Variants in CACNA1G observed in about 807,000 individuals in gnomAD.
The protein encoded by CACNA1G is calcium voltage-gated channel subunit alpha1 G, also known as voltage-dependent T-type calcium channel subunit alpha-1G.
Under a neutral mutation model 219.4 loss-of-function variants are expected in CACNA1G, and 67 were observed. The observed-to-expected ratio is 0.31, with a 90% confidence interval of 0.25 to 0.37. The LOEUF (loss-of-function observed/expected upper bound fraction) is 0.37. CACNA1G is among the 10% of genes least tolerant of loss of function. CACNA1G has a pLI of 1.00. For synonymous variants in CACNA1G, 1,296 were observed against 1,345.3 expected (o/e 0.96, Z 0.80); for missense variants, 2,380 against 3,231.4 (o/e 0.74, Z 6.39).
At position 50,604,227 on chromosome 17, in the gene CACNA1G, C is replaced by T. The variant is rs1477218952; in HGVS notation, c.4242C>T (p.Asn1414=). 6.2e-7 allele frequency: 1 copy of T among 1,613,756 alleles called. No individual in the cohort carries two copies. Among genetic ancestry groups the T allele is most frequent in the African/African-American group, 1.3e-5 (1 of 74,930 alleles). The change falls in exon 22 of 38, where the codon AAC becomes AAT. Residue 1414 remains asparagine, a synonymous_variant. Coordinates refer to ENST00000359106, the MANE Select transcript of CACNA1G (RefSeq NM_018896.5). ...TLMSSLKPIG[N]IVVICCAFFI... is the part of the protein sequence containing the mutation. ...TGTCCTCACTGAAACCCATCGGCAA[C>T]ATTGTAGTCATCTGCTGTGCCTTCT...
intron 33 of CACNA1G, among the ~76,000 whole-genome samples, chr17:50,619,215 G>A (rs2051197063): frequency 1.3e-5 from 2 of 152,148 alleles, no homozygotes; most frequent in Non-Finnish European, 2.9e-5. Flanking sequence ...CCCAGCAGAC[G>A]GGCCAGCTTA....
At chr17:50,599,147 G>A (rs2046124284) in intron 16 of CACNA1G, among the ~76,000 whole-genome samples, 1 of 152,192 alleles carries the variant, frequency 6.6e-6, no homozygotes, top group South Asian at 2.1e-4. Context: ...CTCAGCTGAT[G>A]ATAACACTTC....
Position 50,576,232 on chromosome 17 carries a change from G to A in CACNA1G, c.1830G>A (p.Val610=). Residue 610 remains valine (V), a synonymous_variant, in exon 8 of 38, where the codon GTG becomes GTA. Coordinates refer to ENST00000359106, the MANE Select transcript of CACNA1G (RefSeq NM_018896.5). The part of the protein sequence containing the change: ...ETLKEKALVE[V]AASSGPPTLT... ...TGAAGGAGAAGGCACTAGTAGAGGT[G>A]GCTGCCAGCTCTGGGCCCCCAACCC... The A allele has an allele frequency of 1.2e-6, 2 of 1,603,870 alleles. No individual in the cohort carries two copies.
chr17:50,589,916 G>C (rs35395024), intron 9 of CACNA1G, among the ~76,000 whole-genome samples: 41,433 of 117,298 alleles, frequency 0.35, 7,685 homozygotes, highest in East Asian at 0.77. Context: ...CTCTCTCTGT[G>C]TGTGTGTGTG....
At chr17:50,598,971 G>A (rs1478970284) in intron 16 of CACNA1G, among the ~76,000 whole-genome samples, 2 of 152,040 alleles carry the variant, frequency 1.3e-5, no homozygotes, top group Non-Finnish European at 2.9e-5. Context: ...CAGGTGATCT[G>A]CCCGCCTCGG....
intron 1 of CACNA1G, among the ~76,000 whole-genome samples, chr17:50,564,994 G>A (rs575419694): frequency 4.2e-4 from 64 of 152,094 alleles, no homozygotes; most frequent in Admixed American, 1.3e-4. Flanking sequence ...GCCAGTTGGA[G>A]CCATTCCTGG....
rs2053159529 is a variant in CACNA1G, at chr17:50,624,506, G to T, written c.6376G>T (p.Ala2126Ser). Residue 2126 changes from alanine to serine, a missense_variant, in exon 37 of 38, where the codon GCT (alanine) becomes TCT (serine). Transcript: ENST00000359106. Reference sequence around the variant, plus strand: ...GCCCCCACCAGGACGCTCCCCTTTGGCTCAGAGGCCACTCAGGCGCCAGGT... The same window carrying T: ...GCCCCCACCAGGACGCTCCCCTTTGTCTCAGAGGCCACTCAGGCGCCAGGT... ...KLPPPGRSPL[A>S]QRPLRRQAAI... The T allele has an allele frequency of 3.1e-6, 5 of 1,597,180 alleles. No individual in the cohort carries two copies. Among genetic ancestry groups the T allele is most frequent in the Non-Finnish European group, 4.3e-6 (5 of 1,172,216 alleles).
intron 9 of CACNA1G, 37 bp from the exon 10 acceptor site, chr17:50,590,434 A>T: frequency 6.2e-7 from 1 of 1,611,686 alleles, no homozygotes; most frequent in Non-Finnish European, 8.5e-7. Context: ...GGGCTCAGTG[A>T]TAAGCCAGCT....
chr17:50,626,949 C>T lies in CACNA1G; in HGVS notation c.*198C>T. ...AGCAGCAGCCCCGGCAACTCTGGCTCCAGGCAGAAGGAGAGGCCCGGTGCA... is the reference window on the plus strand; with the variant it reads ...AGCAGCAGCCCCGGCAACTCTGGCTTCAGGCAGAAGGAGAGGCCCGGTGCA... On this transcript the variant is annotated 3_prime_UTR_variant, in exon 38 of 38. Transcript: ENST00000359106. This position sits in a 1 kb window ranked among gnomAD's most constrained non-coding sequence, Gnocchi z 4.3. 1 of 741,566 alleles carries T rather than the reference C, an allele frequency of 1.3e-6. No individual in the cohort carries two copies. Among genetic ancestry groups the T allele is most frequent in the Non-Finnish European group, 2.4e-6 (1 of 421,010 alleles). 45.9% of individuals were successfully genotyped at this position (741,566 alleles called of 1,614,324 possible).
At chr17:50,614,530 G>A (rs2146188741) in intron 26 of CACNA1G, among the ~76,000 whole-genome samples, 1 of 152,312 alleles carries the variant, frequency 6.6e-6, no homozygotes, top group East Asian at 1.9e-4. Context: ...CTGCCTCCTT[G>A]GCAGCCCAAC....
intron 26 of CACNA1G, among the ~76,000 whole-genome samples, chr17:50,612,730 C>A (rs1211052799): frequency 6.6e-6 from 1 of 152,256 alleles, no homozygotes; most frequent in Non-Finnish European, 1.5e-5. Flanking sequence ...CTGTACCCTT[C>A]CTCCCTCCCT....
At position 50,573,210 on chromosome 17, in the gene CACNA1G, T is replaced by C. The variant is rs1264720813; in HGVS notation, c.1140+97T>C. 3.4e-6 allele frequency: 3 copies of C among 877,676 alleles called. No individual in the cohort carries two copies. The African/African-American group carries it at 5.0e-5, about 15-fold the overall frequency. The allele number at this position is 877,676 out of a possible 1,614,324, so 54.4% of individuals were successfully genotyped here. A position where few individuals can be genotyped will look rare whatever the true frequency, so the allele number is the denominator to read the frequency against. On this transcript the variant is annotated intron_variant, in intron 7 of 37. Coordinates refer to ENST00000359106, the MANE Select transcript of CACNA1G (RefSeq NM_018896.5). ...GATAGTTTGCTCTGTCTGAAGTTTT[T>C]AGCTCTCAGGACAAGTCCTGTAGAG...
At position 50,561,452 on chromosome 17, in the gene CACNA1G, G is replaced by C; in HGVS notation, c.-8G>C. ...TCCGGATCGCCCGGGGCCCCGGCTG[G>C]CCAGAGGATGGACGAGGAGGAGGAT... On this transcript the variant is annotated 5_prime_UTR_variant, in exon 1 of 38. Coordinates refer to ENST00000359106, the MANE Select transcript of CACNA1G (RefSeq NM_018896.5). The C allele has an allele frequency of 6.5e-7, 1 of 1,533,998 alleles. No individual in the cohort carries two copies. The highest frequency in any genetic ancestry group is 8.7e-7 in the Non-Finnish European group (1 of 1,146,524).
rs918840488 is a variant in CACNA1G at position 50,561,686 on chromosome 17, G to T, written c.227G>T (p.Arg76Leu). ...AGCCGCCCGCGGAGCTGGTGTCTCC[G>T]CACGGTCTGTAACCCATATCCTTCG... ...QDSRPRSWCLRTVCNPWFERI... is the reference protein window; with the variant it reads ...QDSRPRSWCLLTVCNPWFERI... Residue 76 changes from arginine to leucine, a missense_variant, in exon 1 of 38, where the codon CGC becomes CTC. Transcript: ENST00000359106. The T allele has an allele frequency of 1.1e-5, 18 of 1,602,254 alleles. No individual in the cohort carries two copies. Among genetic ancestry groups the T allele is most frequent in the Non-Finnish European group, 1.4e-5 (17 of 1,174,754 alleles).
intron 1 of CACNA1G, among the ~76,000 whole-genome samples, chr17:50,566,726 A>C (rs2037973148): frequency 6.6e-6 from 1 of 152,256 alleles, no homozygotes; most frequent in Non-Finnish European, 1.5e-5. Context: ...TCATTCATTC[A>C]TTCAGTCTTC....
rs1241078583 is a variant in CACNA1G, at chr17:50,602,896, G to A, written c.3984+8G>A. 19 of 1,613,662 alleles carry A rather than the reference G, an allele frequency of 1.2e-5. No homozygotes were observed. The highest frequency in any genetic ancestry group is 1.6e-5 in the Non-Finnish European group (19 of 1,179,786). On this transcript the variant is annotated splice_region_variant and intron_variant, in intron 20 of 37. Transcript: ENST00000359106. The stretch of plus-strand genomic sequence containing the variant: ...GCTGAAATGACAGTGAAGGTGATGG[G>A]GGCTGGTGTTGGCTTGGGACCTCTG...
At chr17:50,574,875 G>T (rs1159886466) in intron 7 of CACNA1G, among the ~76,000 whole-genome samples, 1 of 152,140 alleles carries the variant, frequency 6.6e-6, no homozygotes, top group Non-Finnish European at 1.5e-5. Context: ...AGCAAGTCAG[G>T]TGGCAGCCTG....
rs1415242703 is a variant in CACNA1G, at chr17:50,561,089, C to T, written c.-371C>T. On this transcript the variant is annotated 5_prime_UTR_variant, in exon 1 of 38. Transcript: ENST00000359106. ...ACCCCCGCCCTCCGCCGCTGCCCCCCTTTTCGTTCGCCCTCTCGGGGCGGC... is the reference window on the plus strand; with the variant it reads ...ACCCCCGCCCTCCGCCGCTGCCCCCTTTTTCGTTCGCCCTCTCGGGGCGGC... 1 of 445,490 alleles carries T rather than the reference C, an allele frequency of 2.2e-6. No homozygotes were observed. The highest frequency in any genetic ancestry group is 4.3e-6 in the Non-Finnish European group (1 of 230,654). 27.6% of individuals were successfully genotyped at this position (445,490 alleles called of 1,614,324 possible).
At chr17:50,586,159 TC>T (rs1188312996) in intron 9 of CACNA1G, among the ~76,000 whole-genome samples, 1 of 152,142 alleles carries the variant, frequency 6.6e-6, no homozygotes, top group Non-Finnish European at 1.5e-5. Flanking sequence ...CTCCAAGCCG[TC>T]CACACGCTGC....
Sources: gnomAD v4.1 joint callset for allele counts (sites outside exome capture counted in the v4.1 genomes callset) on GRCh38, gnomAD v4.1.1 for gene constraint, Gnocchi (gnomAD v3.1) non-coding constraint, MANE v1.5 for transcripts, NCBI Gene and HGNC (gene_info 2026-07-23, HGNC 2026-07-21) for gene names.